The following EXOC4 variants were observed in gnomAD, a reference collection of about 807,000 sequenced individuals.
The protein encoded by EXOC4 is SEC8-like 1.
Under a neutral mutation model 107.2 loss-of-function variants are expected in EXOC4, and 71 were observed. The ratio of observed to expected loss-of-function variants is 0.66; its 90% CI spans 0.55 to 0.81. The LOEUF is 0.81. Ranked by LOEUF, EXOC4 falls within the 30% of genes least tolerant of loss-of-function variation. The pLI is 0.00. For missense variants in EXOC4, 1,108 were observed against 1,189.6 expected, an observed-to-expected ratio of 0.93 and a Z score of 1.01; for synonymous variants, 456 against 441.2, an observed-to-expected ratio of 1.03 and a Z score of -0.42.
chr7:133,610,505 C>T (rs1224729291), intron 9 of EXOC4, among the ~76,000 whole-genome samples: 5 of 152,184 alleles, frequency 3.3e-5, no homozygotes, highest in Admixed American at 2.6e-4. Context: ...TCTAGGACCA[C>T]AGAATATAAT....
intron 14 of EXOC4, among the ~76,000 whole-genome samples, chr7:133,942,732 G>T (rs1800461527): frequency 6.6e-6 from 1 of 152,050 alleles, no homozygotes; most frequent in South Asian, 2.1e-4. Context: ...ATTCCAGCAG[G>T]GTTGGCATAT....
At chr7:133,658,889 G>A (rs6970448) in intron 10 of EXOC4, among the ~76,000 whole-genome samples, 65,191 of 151,258 alleles carry the variant, frequency 0.43, 14,900 homozygotes, top group Admixed American at 0.57. Flanking sequence ...TGATATTGTT[G>A]CAAATGATAT....
chr7:133,990,213 T>C (rs1326096533), intron 14 of EXOC4, among the ~76,000 whole-genome samples: 2 of 152,196 alleles, frequency 1.3e-5, no homozygotes, highest in East Asian at 3.9e-4. Context: ...TACTGTCAAA[T>C]ACTAGAACTT....
chr7:133,402,340 C>CTATCGGGA (rs1797109136), intron 7 of EXOC4, among the ~76,000 whole-genome samples: 1 of 152,144 alleles, frequency 6.6e-6, no homozygotes, highest in Non-Finnish European at 1.5e-5. Context: ...CTTATGTTTT[C>CTATCGGGA]ATTTTATCTA....
chr7:133,643,185 C>T (rs948450402), intron 10 of EXOC4, among the ~76,000 whole-genome samples: 1 of 152,066 alleles, frequency 6.6e-6, no homozygotes, highest in African/African-American at 2.4e-5. Context: ...GCTGAGGGAC[C>T]CACAATAGCC....
chr7:133,856,469 C>G (rs1329813210), intron 11 of EXOC4, among the ~76,000 whole-genome samples: 1 of 152,228 alleles, frequency 6.6e-6, no homozygotes, highest in African/African-American at 2.4e-5. Flanking sequence ...TTCTCTCACT[C>G]ACAAGTCTGA....
rs375819444 is a variant in EXOC4, at chr7:133,592,803, A to G, written c.1418-37242A>G. Among the ~76,000 whole-genome samples, 37 of 152,206 alleles carry G rather than the reference A, an allele frequency of 2.4e-4. 1 individual carries two copies. The East Asian group carries it at 3.3e-3, about 14-fold the overall frequency. On this transcript the variant is annotated intron_variant, in intron 9 of 17. Coordinates refer to ENST00000253861, the MANE Select transcript of EXOC4 (RefSeq NM_021807.4). ...TTTTTATTAGAGACGGGGTTTCACC[A>G]TGTTAGCCAGGATGGTCTCGATCTC... is the stretch of plus-strand genomic sequence containing the variant.
At chr7:133,702,413 A>G (rs1302777310) in intron 10 of EXOC4, among the ~76,000 whole-genome samples, 1 of 50,902 alleles carries the variant, frequency 2.0e-5, no homozygotes, top group African/African-American at 7.8e-5. Context: ...ATCACATTTC[A>G]CTACAACCTT....
chr7:133,824,888 T>A (rs1797662996), intron 11 of EXOC4, among the ~76,000 whole-genome samples: 1 of 152,204 alleles, frequency 6.6e-6, no homozygotes, highest in Admixed American at 6.5e-5. Flanking sequence ...ATCTCAATCC[T>A]TACCTTAATT....
At chr7:133,624,603 TTC>T (rs1027440342) in intron 9 of EXOC4, among the ~76,000 whole-genome samples, 103 of 152,222 alleles carry the variant, frequency 6.8e-4, no homozygotes, top group African/African-American at 2.4e-3. Flanking sequence ...TTTTTTTCTT[TTC>T]TTTTTGAGGC....
intron 9 of EXOC4, among the ~76,000 whole-genome samples, chr7:133,566,123 G>A (rs999748315): frequency 5.3e-5 from 8 of 152,230 alleles, no homozygotes; most frequent in South Asian, 2.1e-4. Context: ...TATAGATTCT[G>A]TCTTTTTGTC....
At chr7:133,480,275 G>T in intron 9 of EXOC4, 137 bp downstream of exon 9, 1 of 1,484,122 alleles carries the variant, frequency 6.7e-7, no homozygotes. Context: ...TGTTTCTTCT[G>T]TAATTTCCCA....
chr7:133,830,860 C>G (rs1797794570), intron 11 of EXOC4, among the ~76,000 whole-genome samples: 1 of 152,190 alleles, frequency 6.6e-6, no homozygotes, highest in African/African-American at 2.4e-5. Flanking sequence ...TGCCCTCTTG[C>G]TGTTCGGGAT....
intron 9 of EXOC4, among the ~76,000 whole-genome samples, chr7:133,517,720 C>T (rs1165550424): frequency 6.6e-6 from 1 of 152,158 alleles, no homozygotes; most frequent in Non-Finnish European, 1.5e-5. Flanking sequence ...GGATTCCTCC[C>T]ACAATACGTG....
chr7:133,894,773 G>T (rs1478439730), intron 11 of EXOC4, among the ~76,000 whole-genome samples: 1 of 83,402 alleles, frequency 1.2e-5, no homozygotes, highest in Non-Finnish European at 2.1e-5. Flanking sequence ...ACTTGAGGAG[G>T]CAGTCTGCCC....
intron 10 of EXOC4, among the ~76,000 whole-genome samples, chr7:133,639,955 A>G (rs1452685590): frequency 6.6e-6 from 1 of 152,158 alleles, no homozygotes; most frequent in Non-Finnish European, 1.5e-5. Flanking sequence ...ATATGGAAGT[A>G]TGTTACTTAA....
chr7:133,949,598 T>A (rs181741304), intron 14 of EXOC4, among the ~76,000 whole-genome samples: 1 of 152,338 alleles, frequency 6.6e-6, no homozygotes, highest in African/African-American at 2.4e-5. Flanking sequence ...AGGTGACTTT[T>A]CAGCAAGTCT....
chr7:133,865,869 T>C (rs1016274440), intron 11 of EXOC4, among the ~76,000 whole-genome samples: 1 of 152,206 alleles, frequency 6.6e-6, no homozygotes, highest in Non-Finnish European at 1.5e-5. Context: ...CTGAAGATCG[T>C]AATTCAATAT....
intron 11 of EXOC4, among the ~76,000 whole-genome samples, chr7:133,836,124 G>A (rs1342385336): frequency 6.6e-6 from 1 of 152,160 alleles, no homozygotes; most frequent in Admixed American, 6.5e-5. Context: ...GACAGGCAAT[G>A]TTTTAACCAA....
Sources: allele counts gnomAD v4.1 joint callset (sites outside exome capture counted in the v4.1 genomes callset), GRCh38; gene constraint gnomAD v4.1.1; transcripts MANE v1.5; gene names NCBI Gene and HGNC (gene_info 2026-07-23, HGNC 2026-07-21).